Variants in PLD5 observed in about 807,000 individuals in gnomAD.
The protein encoded by PLD5 is phospholipase D family member 5, also known as inactive phospholipase D5.
A neutral mutation model predicts 61.1 loss-of-function variants in PLD5; 36 were observed. That is an observed-to-expected ratio of 0.59 (90% confidence interval 0.45 to 0.78). The LOEUF is 0.78. Ranked by LOEUF, PLD5 falls within the 30% of genes least tolerant of loss-of-function variation. The pLI is 0.00. For missense variants in PLD5, 515 were observed against 644.4 expected, an observed-to-expected ratio of 0.80 and a Z score of 2.17; for synonymous variants, 243 against 242.8, an observed-to-expected ratio of 1.00 and a Z score of -0.01.
chr1:242,331,193 A>C, intron 2 of PLD5, among the ~76,000 whole-genome samples: 1 of 152,336 alleles, frequency 6.6e-6, no homozygotes, highest in African/African-American at 2.4e-5. Flanking sequence ...TTCCTGACAC[A>C]AACAAGCTTG....
chr1:242,149,568 A>G (rs1664781552), intron 5 of PLD5, among the ~76,000 whole-genome samples: 1 of 151,064 alleles, frequency 6.6e-6, no homozygotes. Context: ...TTCCTTAAAT[A>G]TTTAGAATTC....
intron 5 of PLD5, among the ~76,000 whole-genome samples, chr1:242,190,790 G>C (rs1668225073): frequency 6.6e-6 from 1 of 152,024 alleles, no homozygotes; most frequent in South Asian, 2.1e-4. Flanking sequence ...TATTGTTACA[G>C]AATCCAGAGG....
At chr1:242,449,232 G>T in intron 1 of PLD5, 1 of 1,256,600 alleles carries the variant, frequency 8.0e-7, no homozygotes, top group South Asian at 1.3e-5. Flanking sequence ...AAAAAGGACA[G>T]TGCCTCAGAG....
chr1:242,169,361 A>G (rs919886942), intron 5 of PLD5, among the ~76,000 whole-genome samples: 3 of 152,102 alleles, frequency 2.0e-5, no homozygotes, highest in Non-Finnish European at 4.4e-5. Context: ...TCCCCTACCC[A>G]AGGGAAGCCA....
intron 1 of PLD5, among the ~76,000 whole-genome samples, chr1:242,397,482 A>G (rs1204798225): frequency 2.7e-5 from 4 of 150,278 alleles, no homozygotes; most frequent in Non-Finnish European, 4.4e-5. Context: ...AAAAATGTGA[A>G]GCAGCAAGCC....
chr1:242,378,043 G>A (rs968654706), intron 1 of PLD5, among the ~76,000 whole-genome samples: 1 of 151,966 alleles, frequency 6.6e-6, no homozygotes, highest in Admixed American at 6.6e-5. Flanking sequence ...TGGAAAGCAG[G>A]GACTCAAACA....
rs1659422166 is a variant in PLD5, at chr1:242,085,861, T to C, written c.*3993A>G. ...TTTTGGACACAGAAACACACACCAG[T>C]GGTCATACGTGTGGAAAAAAAAAAA... On this transcript the variant is annotated 3_prime_UTR_variant, in exon 10 of 10. Transcript: ENST00000536534. 1 of 143,836 alleles carries C rather than the reference T, an allele frequency of 7.0e-6. No homozygotes were observed. Among genetic ancestry groups the C allele is most frequent in the African/African-American group, 2.6e-5 (1 of 38,002 alleles). 8.9% of individuals were successfully genotyped at this position (143,836 alleles called of 1,614,324 possible).
intron 1 of PLD5, among the ~76,000 whole-genome samples, chr1:242,395,131 GTATA>G (rs1386961055): frequency 6.8e-6 from 1 of 147,738 alleles, no homozygotes; most frequent in Non-Finnish European, 1.5e-5. Context: ...GTATGTATAT[GTATA>G]TATTTTAAAT....
At chr1:242,141,345 C>T (rs139651559) in intron 5 of PLD5, among the ~76,000 whole-genome samples, 1 of 152,132 alleles carries the variant, frequency 6.6e-6, no homozygotes. Flanking sequence ...ATCTTCCTCT[C>T]CGACTGCATC....
intron 5 of PLD5, among the ~76,000 whole-genome samples, chr1:242,137,035 T>C (rs1039842860): frequency 6.6e-6 from 1 of 152,160 alleles, no homozygotes; most frequent in Non-Finnish European, 1.5e-5. Context: ...GGAGTCCTAA[T>C]GAGGAAAAAG....
At chr1:242,486,525 C>T (rs1667967329) in intron 1 of PLD5, among the ~76,000 whole-genome samples, 1 of 152,188 alleles carries the variant, frequency 6.6e-6, no homozygotes, top group Admixed American at 6.5e-5. Context: ...CATCTCACAC[C>T]AGTTAGAATG....
chr1:242,324,600 T>G (rs1017081897), intron 2 of PLD5, among the ~76,000 whole-genome samples: 2 of 152,156 alleles, frequency 1.3e-5, no homozygotes, highest in Non-Finnish European at 2.9e-5. Flanking sequence ...ACCTCCTCTT[T>G]GCTTGAGGAC....
At chr1:242,138,252 C>T (rs1376898703) in intron 5 of PLD5, among the ~76,000 whole-genome samples, 4 of 152,194 alleles carry the variant, frequency 2.6e-5, no homozygotes, top group East Asian at 3.9e-4. Flanking sequence ...ATGTCCTGAT[C>T]CCTGAAATAT....
chr1:242,512,278 G>C (rs1668946994), intron 1 of PLD5, among the ~76,000 whole-genome samples: 1 of 151,866 alleles, frequency 6.6e-6, no homozygotes, highest in Non-Finnish European at 1.5e-5. Flanking sequence ...AAATTAGCCA[G>C]GCATGGTGGC....
At chr1:242,366,550 T>C (rs1178139381) in intron 1 of PLD5, among the ~76,000 whole-genome samples, 2 of 152,218 alleles carry the variant, frequency 1.3e-5, no homozygotes, top group Non-Finnish European at 2.9e-5. Context: ...GCAAAAGTGA[T>C]TGCAGGTTTT....
chr1:242,351,112 G>C (rs1310012917), intron 1 of PLD5, among the ~76,000 whole-genome samples: 2 of 151,944 alleles, frequency 1.3e-5, no homozygotes, highest in African/African-American at 4.8e-5. Context: ...TGTTGGTCAG[G>C]CTAGTCTCTA....
intron 5 of PLD5, among the ~76,000 whole-genome samples, chr1:242,146,670 T>C (rs1003835658): frequency 2.0e-5 from 3 of 152,192 alleles, no homozygotes; most frequent in Admixed American, 6.5e-5. Context: ...AGATTCTATA[T>C]ATTAAAAAGT....
At chr1:242,103,202 G>C (rs1204588838) in intron 8 of PLD5, among the ~76,000 whole-genome samples, 5 of 152,132 alleles carry the variant, frequency 3.3e-5, no homozygotes. Context: ...CGAGTGTACT[G>C]ACCTCCAGAG....
intron 2 of PLD5, among the ~76,000 whole-genome samples, chr1:242,333,935 CT>C: frequency 6.6e-6 from 1 of 152,278 alleles, no homozygotes; most frequent in South Asian, 2.1e-4. Context: ...ATCTTCGCTA[CT>C]GTGAATAGTG....
Sources: gnomAD v4.1 joint callset for allele counts (sites outside exome capture counted in the v4.1 genomes callset) on GRCh38, gnomAD v4.1.1 for gene constraint, MANE v1.5 for transcripts, NCBI Gene and HGNC (gene_info 2026-07-23, HGNC 2026-07-21) for gene names.